Variants in ITGAL observed in about 807,000 individuals in gnomAD.
The protein encoded by ITGAL is integrin subunit alpha L.
Under a neutral mutation model 138.4 loss-of-function variants are expected in ITGAL, and 68 were observed. The ratio of observed to expected loss-of-function variants is 0.49; its 90% CI spans 0.40 to 0.60. The LOEUF is 0.60. ITGAL is among the 20% of genes least tolerant of loss of function. ITGAL has a pLI of 0.00. For synonymous variants in ITGAL, 561 were observed against 584.3 expected (o/e 0.96, Z 0.57); for missense variants, 1,256 against 1,478.6 (o/e 0.85, Z 2.47).
intron 6 of ITGAL, 86 bp downstream of exon 6, chr16:30,479,547 T>C: frequency 7.3e-7 from 1 of 1,365,048 alleles, no homozygotes; most frequent in Non-Finnish European, 1.0e-6. Context: ...TGTTAGTATG[T>C]GGAATCCTCA....
In ITGAL at chr16:30,494,127, T is replaced by A; in HGVS notation, c.1214-85T>A. 3.1e-6 allele frequency: 4 copies of A among 1,286,422 alleles called. No individual in the cohort carries two copies. The highest frequency in any genetic ancestry group is 3.2e-6 in the Non-Finnish European group (3 of 931,206). The allele number at this position is 1,286,422 out of a possible 1,614,324, so 79.7% of individuals were successfully genotyped here. A position where few individuals can be genotyped will look rare whatever the true frequency, so the allele number is the denominator to read the frequency against. On this transcript the variant is annotated intron_variant, in intron 11 of 30. Coordinates refer to ENST00000356798, the MANE Select transcript of ITGAL (RefSeq NM_002209.3). The surrounding 1 kb of genome is among the most constrained non-coding windows in gnomAD (Gnocchi z 4.2). The stretch of plus-strand genomic sequence containing the variant: ...CCATGCATCTCTGCTACTAACCCAA[T>A]TCCCTGGGGCCCCTGCCCCTCTCCT...
chr16:30,496,112 G>C lies in ITGAL; in HGVS notation c.1519G>C (p.Val507Leu), dbSNP rs769390902. Residue 507 changes from valine (V) to leucine (L), a missense_variant, in exon 14 of 31, where the codon GTC becomes CTC. Around this residue, in one of 3 missense-constraint regions of ITGAL, gnomAD observed 867 missense variants for 972.5 expected, o/e 0.89. Coordinates refer to ENST00000356798, the MANE Select transcript of ITGAL (RefSeq NM_002209.3). ...YQRRQLGFEE[V>L]SELQGDPGYP... is the part of the protein sequence containing the mutation. ...TACTTCCTAGTTGGGGTTTGAAGAA[G>C]TCTCAGAGCTGCAGGGGGACCCCGG... The C allele has an allele frequency of 1.9e-6, 3 of 1,613,908 alleles. No individual in the cohort carries two copies. Among genetic ancestry groups the C allele is most frequent in the Non-Finnish European group, 2.5e-6 (3 of 1,179,980 alleles).
chr16:30,503,950 G>A, intron 17 of ITGAL: 1 of 408,234 alleles, frequency 2.4e-6, no homozygotes, highest in Non-Finnish European at 4.4e-6. Flanking sequence ...GATTAGTGAT[G>A]TCTGCTGGGG....
chr16:30,475,419 A>G lies in ITGAL; in HGVS notation c.259+19A>G. Reference sequence around the variant, plus strand: ...CTGAGAGGTGAGTAACTGGGGGGTGAGCTGGGAGGAATGGGATCTTGGGGA... The same window carrying G: ...CTGAGAGGTGAGTAACTGGGGGGTGGGCTGGGAGGAATGGGATCTTGGGGA... On this transcript the variant is annotated intron_variant, in intron 3 of 30. Coordinates refer to ENST00000356798, the MANE Select transcript of ITGAL (RefSeq NM_002209.3). The G allele has an allele frequency of 6.2e-7, 1 of 1,608,010 alleles. No homozygotes were observed. Among genetic ancestry groups the G allele is most frequent in the Non-Finnish European group, 8.5e-7 (1 of 1,174,566 alleles).
chr16:30,478,318 AG>A (rs2050501123), intron 4 of ITGAL, among the ~76,000 whole-genome samples: 1 of 149,186 alleles, frequency 6.7e-6, no homozygotes, highest in Non-Finnish European at 1.5e-5. Context: ...TGGGTGACAA[AG>A]CGAGACTCCG....
chr16:30,504,180 T>C lies in ITGAL; in HGVS notation c.2151T>C (p.Cys717=). Residue 717 remains cysteine, a synonymous_variant, in exon 18 of 31, where the codon TGT becomes TGC. Transcript: ENST00000356798. Reference sequence around the variant, plus strand: ...TGTATTCTTATCACCCTCAGGTATGTGTTCAAGACCTCATCTCCCCCATCA... The same window carrying C: ...TGTATTCTTATCACCCTCAGGTATGCGTTCAAGACCTCATCTCCCCCATCA... ...CTDFSFHFPV[C]VQDLISPINV... is the part of the protein sequence containing the mutation. The C allele has an allele frequency of 3.1e-6, 5 of 1,611,560 alleles. No individual in the cohort carries two copies. Among genetic ancestry groups the C allele is most frequent in the Non-Finnish European group, 3.4e-6 (4 of 1,177,720 alleles).
At chr16:30,506,206 G>A (rs1358953613) in intron 20 of ITGAL, among the ~76,000 whole-genome samples, 2 of 147,452 alleles carry the variant, frequency 1.4e-5, no homozygotes, top group Admixed American at 1.4e-4. Context: ...GTTGCAGTAA[G>A]CCGAGACTGT....
At chr16:30,501,577 C>CAAAAA (rs56687910) in intron 17 of ITGAL, among the ~76,000 whole-genome samples, 1 of 117,556 alleles carries the variant, frequency 8.5e-6, no homozygotes. Context: ...AACTCCATCT[C>CAAAAA]AAAAAAAAAA....
chr16:30,507,275 C>T (rs1041180902), intron 21 of ITGAL, among the ~76,000 whole-genome samples: 1 of 151,518 alleles, frequency 6.6e-6, no homozygotes, highest in African/African-American at 2.4e-5. Context: ...CTGGCTAACA[C>T]GGTGAAACCC....
chr16:30,521,342 G>A, intron 30 of ITGAL, 150 bp from the exon 31 acceptor site: 2 of 590,144 alleles, frequency 3.4e-6, no homozygotes, highest in Non-Finnish European at 5.8e-6. Flanking sequence ...GGGAGGCAGA[G>A]GTTGCAGTGA....
At chr16:30,496,833 T>C (rs1217676247) in intron 15 of ITGAL, among the ~76,000 whole-genome samples, 1 of 145,394 alleles carries the variant, frequency 6.9e-6, no homozygotes, top group Non-Finnish European at 1.5e-5. Flanking sequence ...TTGGTAGCAA[T>C]GGGGACTTAC....
intron 22 of ITGAL, 60 bp from the exon 23 acceptor site, chr16:30,510,821 G>A (rs2051078189): frequency 7.7e-7 from 1 of 1,302,312 alleles, no homozygotes; most frequent in Non-Finnish European, 1.1e-6. Context: ...TTAGATGTGG[G>A]GGCCATGAGG....
chr16:30,510,272 C>T, intron 21 of ITGAL, 89 bp from the exon 22 acceptor site: 1 of 767,146 alleles, frequency 1.3e-6, no homozygotes. Context: ...GACAGAGCCC[C>T]TGGGGGAGGT....
chr16:30,508,573 C>T (rs144539454), intron 21 of ITGAL, among the ~76,000 whole-genome samples: 3,269 of 152,274 alleles, frequency 0.021, 58 homozygotes, highest in Non-Finnish European at 0.032. Flanking sequence ...TGCGCACCTG[C>T]AATTCCAGCT....
At chr16:30,510,831 G>A (rs3087443) in intron 22 of ITGAL, 50 bp from the exon 23 acceptor site, 291,624 of 1,440,884 alleles carry the variant, frequency 0.2, 32,080 homozygotes, top group Non-Finnish European at 0.23. Flanking sequence ...GGGCCATGAG[G>A]CTGCTCCTCA....
intron 17 of ITGAL, among the ~76,000 whole-genome samples, chr16:30,499,731 A>ATTTT (rs1391197801): frequency 2.1e-5 from 2 of 96,680 alleles, no homozygotes; most frequent in African/African-American, 1.2e-4. Flanking sequence ...ATATATATAT[A>ATTTT]TATTTTTTTT....
chr16:30,484,319 G>T, intron 9 of ITGAL, 56 bp downstream of exon 9: 1 of 1,562,610 alleles, frequency 6.4e-7, no homozygotes, highest in South Asian at 1.2e-5. Context: ...AATTCCCCTG[G>T]GACATCAGGC....
chr16:30,492,674 A>G (rs1329958390), intron 11 of ITGAL, among the ~76,000 whole-genome samples: 1 of 149,282 alleles, frequency 6.7e-6, no homozygotes, highest in Non-Finnish European at 1.5e-5. Flanking sequence ...CTCCTGCCTC[A>G]GCCTCTCGAG....
rs1597082718 is a variant in ITGAL, at chr16:30,494,757, C to A, written c.1410C>A (p.Asp470Glu). ...FGGELCGVDV[D>E]QDGETELLLI... ...GGGAGCTGTGTGGCGTCGACGTGGA[C>A]CAAGATGGGGAGACAGAGCTGCTGC... Residue 470 changes from aspartate (D) to glutamate (E), a missense_variant, in exon 13 of 31, where the codon GAC (aspartate) becomes GAA (glutamate). Around this residue, in one of 3 missense-constraint regions of ITGAL, gnomAD observed 867 missense variants for 972.5 expected, o/e 0.89. Coordinates refer to ENST00000356798, the MANE Select transcript of ITGAL (RefSeq NM_002209.3). This position sits in a 1 kb window ranked among gnomAD's most constrained non-coding sequence, Gnocchi z 4.2. 6.2e-7 allele frequency: 1 copy of A among 1,613,342 alleles called. No homozygotes were observed. Among genetic ancestry groups the A allele is most frequent in the East Asian group, 2.2e-5 (1 of 44,844 alleles).
Sources: gnomAD v4.1 joint callset for allele counts (sites outside exome capture counted in the v4.1 genomes callset) on GRCh38, gnomAD v4.1.1 for gene constraint, gnomAD v4.1.1 regional missense constraint, Gnocchi (gnomAD v3.1) non-coding constraint, MANE v1.5 for transcripts, NCBI Gene and HGNC (gene_info 2026-07-23, HGNC 2026-07-21) for gene names.